The following TOP3B variants were observed in gnomAD, a reference collection of about 807,000 sequenced individuals.
The protein encoded by TOP3B is DNA topoisomerase III beta, also known as DNA topoisomerase 3-beta-1.
Under a neutral mutation model 93.9 loss-of-function variants are expected in TOP3B, and 45 were observed. The observed-to-expected ratio is 0.48, with a 90% CI of 0.38 to 0.61. The LOEUF (loss-of-function observed/expected upper bound fraction) is 0.61, where lower values mean the gene tolerates loss of function less well. TOP3B is among the 20% of genes least tolerant of loss of function. The pLI is 0.00. For synonymous variants in TOP3B, 357 were observed against 472.6 expected (o/e 0.76, Z 3.17); for missense variants, 750 against 1,156.1 (o/e 0.65, Z 5.09).
chr22:21,962,376 AGCCTGAGTACTGGAGACGGAGCCG>A, intron 13 of TOP3B, 29 bp downstream of exon 13: 1 of 1,609,908 alleles, frequency 6.2e-7, no homozygotes, highest in Non-Finnish European at 8.5e-7. Flanking sequence ...GTAGACTCGA[AGCCTGAGTACTGGAGACGGAGCCG>A]GCTCTGGGGC....
In TOP3B at chr22:21,957,989, G is replaced by A. The variant is rs778825410; in HGVS notation, c.2108-394C>T. The A allele has an allele frequency of 1.5e-3, 2,026 of 1,357,782 alleles. 1 individual carries two copies. Among genetic ancestry groups the A allele is most frequent in the Non-Finnish European group, 1.9e-3 (1,923 of 1,033,748 alleles). 84.1% of individuals were successfully genotyped at this position (1,357,782 alleles called of 1,614,324 possible). On this transcript the variant is annotated intron_variant, in intron 17 of 17. Transcript: ENST00000357179. ...GGGGTCTCACTCCCGGGGCAGCCTG[G>A]GTGCAGACTGAGGCCTGAGGGAGCT... is the stretch of plus-strand genomic sequence containing the variant.
chr22:21,965,236 C>A, intron 9 of TOP3B, 49 bp downstream of exon 9: 1 of 1,447,908 alleles, frequency 6.9e-7, no homozygotes, highest in African/African-American at 1.4e-5. Flanking sequence ...CCAGGCTGAA[C>A]CTGCCTCAGG....
rs1188349762 is a variant in TOP3B, at chr22:21,963,778, T to C, written c.1204+145A>G. On this transcript the variant is annotated intron_variant, in intron 11 of 17. Coordinates refer to ENST00000357179, the MANE Select transcript of TOP3B (RefSeq NM_001282112.2). The surrounding 1 kb of genome is among the most constrained non-coding windows in gnomAD (Gnocchi z 4.8). ...CCTGGTCCCATAGCAATGGAGCTCA[T>C]CTTCCAGGTGGCCCCCCATCCCCAC... 1.3e-6 allele frequency: 1 copy of C among 749,716 alleles called. No homozygotes were observed. The highest frequency in any genetic ancestry group is 2.2e-6 in the Non-Finnish European group (1 of 458,280). The allele number at this position is 749,716 out of a possible 1,614,324, so 46.4% of individuals were successfully genotyped here.
intron 9 of TOP3B, chr22:21,964,578 C>T: frequency 1.9e-6 from 1 of 534,912 alleles, no homozygotes; most frequent in Non-Finnish European, 3.4e-6. Context: ...CTCACTCTAC[C>T]CCACGGTGCA....
At chr22:21,967,495 G>C (rs1050515499) in intron 8 of TOP3B, 108 bp downstream of exon 8, 3 of 824,318 alleles carry the variant, frequency 3.6e-6, no homozygotes, top group East Asian at 2.4e-5. Flanking sequence ...TTTCAGAAAG[G>C]GGGAGAAAGA....
intron 1 of TOP3B, among the ~76,000 whole-genome samples, chr22:21,980,406 A>C (rs2084604649): frequency 6.6e-6 from 1 of 152,192 alleles, no homozygotes; most frequent in African/African-American, 2.4e-5. Context: ...CCCTCACTAA[A>C]GGGGCTTCTG....
intron 7 of TOP3B, 22 bp downstream of exon 7, chr22:21,968,597 T>G: frequency 1.2e-6 from 2 of 1,612,962 alleles, no homozygotes; most frequent in Non-Finnish European, 8.5e-7. Flanking sequence ...AGCCCCAGCA[T>G]GAATAGAGAA....
Position 21,957,510 on chromosome 22 carries a change from GCT to G in TOP3B, c.2191_2192del (p.Ser731ArgfsTer44). 1 of 966,366 alleles carries G rather than the reference GCT, an allele frequency of 1.0e-6. No homozygotes were observed. The highest frequency in any genetic ancestry group is 1.5e-6 in the Non-Finnish European group (1 of 650,956). 59.9% of individuals were successfully genotyped at this position (966,366 alleles called of 1,614,324 possible). ...AGGTGGGGTCCAGCACCAGCACCCC[GCT>G]CTCACATTCCACGCACTGGCCGATG... Reference protein sequence around the residue: ...LGIGQCVECESGVLVLDPTSG... With the variant: ...LGIGQCVECEXGVLVLDPTSG... On this transcript the variant is annotated frameshift_variant, in exon 18 of 18. Transcript: ENST00000357179. LOFTEE classifies it high-confidence loss of function.
chr22:21,965,082 C>T (rs2071361591), intron 9 of TOP3B: 1 of 415,816 alleles, frequency 2.4e-6, no homozygotes, highest in Admixed American at 4.3e-5. Flanking sequence ...GGGATAGCTG[C>T]TCAGGGACTC....
intron 13 of TOP3B, 170 bp from the exon 14 acceptor site, chr22:21,960,619 C>G: frequency 1.2e-6 from 1 of 845,266 alleles, no homozygotes; most frequent in South Asian, 1.7e-5. Context: ...TGGGCACCAA[C>G]TGCATGCATT....
intron 3 of TOP3B, chr22:21,974,146 G>A (rs900343347): frequency 2.0e-5 from 10 of 498,300 alleles, no homozygotes; most frequent in South Asian, 7.5e-5. Context: ...AAGGGGTGCC[G>A]CTATGATGGG....
intron 8 of TOP3B, chr22:21,966,439 T>G (rs2071417728): frequency 6.6e-6 from 1 of 152,200 alleles, no homozygotes; most frequent in African/African-American, 2.4e-5. Flanking sequence ...CACTCCTTGT[T>G]GTGGGGAGGG....
In TOP3B at chr22:21,970,264, A is replaced by G. The variant is rs1436363355; in HGVS notation, c.527T>C (p.Leu176Pro). 1.2e-6 allele frequency: 2 copies of G among 1,613,842 alleles called. No individual in the cohort carries two copies. The highest frequency in any genetic ancestry group is 2.2e-5 in the South Asian group (2 of 91,082). ...CAGCTCCTGGCGAGCATCCACTGAG[A>G]GCGCCTCGTTGTGGTCAGGCTCGCC... ...CLGEPDHNEALSVDARQELDL... is the reference protein window; with the variant it reads ...CLGEPDHNEAPSVDARQELDL... The change falls in exon 6 of 18, where the codon CTC becomes CCC. Residue 176 changes from leucine (L) to proline (P), a missense_variant. Physicochemically the swap from Leu to Pro is moderately conservative, Grantham distance 98. Coordinates refer to ENST00000357179, the MANE Select transcript of TOP3B (RefSeq NM_001282112.2). The surrounding 1 kb of genome is among the most constrained non-coding windows in gnomAD (Gnocchi z 4.4).
chr22:21,967,101 A>T (rs895364005), intron 8 of TOP3B: 4 of 162,886 alleles, frequency 2.5e-5, no homozygotes, highest in African/African-American at 9.6e-5. Flanking sequence ...CCGTTTTCCT[A>T]ACAGCCAAGC....
chr22:21,975,734 G>C lies in TOP3B; in HGVS notation c.-25C>G. 1 of 1,593,942 alleles carries C rather than the reference G, an allele frequency of 6.3e-7. No individual in the cohort carries two copies. Among genetic ancestry groups the C allele is most frequent in the Non-Finnish European group, 8.6e-7 (1 of 1,165,754 alleles). On this transcript the variant is annotated 5_prime_UTR_variant, in exon 2 of 18. Coordinates refer to ENST00000357179, the MANE Select transcript of TOP3B (RefSeq NM_001282112.2). ...TTTTGTCTCGGTCCTTCACACTCCA[G>C]TTTCGGGGCACTGGCAATGAAAAAG...
At chr22:21,964,412 C>T (rs1344276191) in intron 9 of TOP3B, 97 bp from the exon 10 acceptor site, 1 of 1,478,384 alleles carries the variant, frequency 6.8e-7, no homozygotes, top group Non-Finnish European at 9.2e-7. Flanking sequence ...TGTGGCCGGC[C>T]CCTCCTGGAG....
chr22:21,959,603 A>C lies in TOP3B; in HGVS notation c.1788T>G (p.Phe596Leu). Reference sequence around the variant, plus strand: ...AGACTCTACCAGCAATGGAGTCGACAAAGTAGTGGAACTTCCTCTTGAACA... The same window carrying C: ...AGACTCTACCAGCAATGGAGTCGACCAAGTAGTGGAACTTCCTCTTGAACA... ...LDVFKRKFHY[F>L]VDSIAGMDEL... The change falls in exon 15 of 18, where the codon TTT (phenylalanine) becomes TTG (leucine). Residue 596 changes from phenylalanine (F) to leucine (L), a missense_variant. By Grantham distance (22) the Phe-to-Leu change is conservative (BLOSUM62 0). Transcript: ENST00000357179. 6.2e-7 allele frequency: 1 copy of C among 1,612,196 alleles called. No individual in the cohort carries two copies. Among genetic ancestry groups the C allele is most frequent in the South Asian group, 1.1e-5 (1 of 90,916 alleles).
chr22:21,975,678 G>A lies in TOP3B; in HGVS notation c.32C>T (p.Pro11Leu). Residue 11 changes from proline to leucine, a missense_variant, in exon 2 of 18, where the codon CCG (proline) becomes CTG (leucine). Physicochemically the swap from Pro to Leu is moderately conservative, Grantham distance 98. Transcript: ENST00000357179. ...TTTGGCAATTGACTGTGCCAAGGACGGCTTTTCAGCAACCATGAGCACAGT... is the reference window on the plus strand; with the variant it reads ...TTTGGCAATTGACTGTGCCAAGGACAGCTTTTCAGCAACCATGAGCACAGT... MKTVLMVAEK[P>L]SLAQSIAKIL... The A allele has an allele frequency of 6.2e-7, 1 of 1,611,998 alleles. No homozygotes were observed. Among genetic ancestry groups the A allele is most frequent in the East Asian group, 2.2e-5 (1 of 44,840 alleles).
Position 21,958,359 on chromosome 22 carries a change from C to T in TOP3B, c.2107+133G>A, listed in dbSNP as rs557052203. 1,042 of 1,515,920 alleles carry T rather than the reference C, an allele frequency of 6.9e-4. 1 individual carries two copies. Among genetic ancestry groups the T allele is most frequent in the Admixed American group, 1.7e-3 (84 of 49,600 alleles). 93.9% of individuals were successfully genotyped at this position (1,515,920 alleles called of 1,614,324 possible). ...TGCCCCAGCTACATCCAGGGTCTCT[C>T]GTCTCAGTGCCAATGAGTGCAGGAA... On this transcript the variant is annotated intron_variant, in intron 17 of 17. Coordinates refer to ENST00000357179, the MANE Select transcript of TOP3B (RefSeq NM_001282112.2).
Sources: gnomAD v4.1 joint callset for allele counts (sites outside exome capture counted in the v4.1 genomes callset) on GRCh38, gnomAD v4.1.1 for gene constraint, Gnocchi (gnomAD v3.1) non-coding constraint, MANE v1.5 for transcripts, NCBI Gene and HGNC (gene_info 2026-07-23, HGNC 2026-07-21) for gene names.